TGM2: variants seen among roughly 807,000 people sequenced by gnomAD.
The protein encoded by TGM2 is transglutaminase 2.
Under a neutral mutation model 75.6 loss-of-function variants are expected in TGM2, and 53 were observed. The ratio of observed to expected loss-of-function variants is 0.70; its 90% CI spans 0.56 to 0.88. The LOEUF (loss-of-function observed/expected upper bound fraction) is 0.88, where lower values mean the gene tolerates loss of function less well. TGM2 is among the 40% of genes least tolerant of loss of function. The pLI is 0.00. For missense variants in TGM2, 842 were observed against 928.5 expected (o/e 0.91, Z 1.21); for synonymous variants, 374 against 381.1 (o/e 0.98, Z 0.22).
intron 11 of TGM2, among the ~76,000 whole-genome samples, chr20:38,132,070 T>C (rs2074840516): frequency 6.6e-6 from 1 of 151,968 alleles, no homozygotes; most frequent in African/African-American, 2.4e-5. Flanking sequence ...CTTAGTAGTA[T>C]AGCATTTGAA....
chr20:38,165,255 A>G lies in TGM2; in HGVS notation c.-57T>C, dbSNP rs1401381760. 1 of 1,610,078 alleles carries G rather than the reference A, an allele frequency of 6.2e-7. No individual in the cohort carries two copies. The highest frequency in any genetic ancestry group is 1.7e-5 in the Admixed American group (1 of 59,984). The stretch of plus-strand genomic sequence containing the variant: ...GCGGCGAGACCCTCCAAGTGCGACC[A>G]CTGGCGGCTGGCACTGCCGAGGCGG... On this transcript the variant is annotated 5_prime_UTR_variant, in exon 1 of 13. Transcript: ENST00000361475.
At position 38,161,577 on chromosome 20, in the gene TGM2, A is replaced by G. The variant is rs2075254201; in HGVS notation, c.33T>C (p.Asp11=). The change falls in exon 2 of 13, where the codon GAT becomes GAC. Residue 11 remains aspartate, a synonymous_variant. Coordinates refer to ENST00000361475, the MANE Select transcript of TGM2 (RefSeq NM_004613.4). ...CTCGGCCATTGGTCTCCAGCTCCAG[A>G]TCACACCTCTCTAAGACCAGCTCTA... MAEELVLERC[D]LELETNGRDH... is the part of the protein sequence containing the mutation. The G allele has an allele frequency of 6.2e-7, 1 of 1,614,022 alleles. No individual in the cohort carries two copies. Among genetic ancestry groups the G allele is most frequent in the East Asian group, 2.2e-5 (1 of 44,888 alleles).
At chr20:38,150,827 T>A (rs1469786294) in intron 4 of TGM2, 112 bp downstream of exon 4, 20 of 848,260 alleles carry the variant, frequency 2.4e-5, no homozygotes, top group Non-Finnish European at 3.9e-5. Flanking sequence ...CAGCATGAAG[T>A]GGGTGACTCT....
chr20:38,139,305 C>G (rs1224377731), intron 9 of TGM2, 107 bp downstream of exon 9: 1 of 1,543,664 alleles, frequency 6.5e-7, no homozygotes, highest in Non-Finnish European at 8.9e-7. Context: ...CATTGCTGTA[C>G]GTAGGCTACC....
At chr20:38,153,528 A>AAAAAAAAAAAAAAAAAAG (rs56670550) in intron 3 of TGM2, among the ~76,000 whole-genome samples, 2 of 125,252 alleles carry the variant, frequency 1.6e-5, no homozygotes, top group African/African-American at 3.4e-5. Context: ...TGGTCTCAAA[A>AAAAAAAAAAAAAAAAAAG]AAAAGAAAAA....
At chr20:38,155,644 G>A (rs570396604) in intron 3 of TGM2, among the ~76,000 whole-genome samples, 17 of 152,202 alleles carry the variant, frequency 1.1e-4, no homozygotes, top group East Asian at 9.7e-4. Context: ...CACTGAGCCC[G>A]GCCTCATTTT....
intron 6 of TGM2, among the ~76,000 whole-genome samples, chr20:38,143,136 G>A (rs2074996506): frequency 6.6e-6 from 1 of 152,218 alleles, no homozygotes; most frequent in Non-Finnish European, 1.5e-5. Context: ...AAGGAGTGGA[G>A]GAAGGAGAGA....
intron 6 of TGM2, chr20:38,145,393 T>A (rs1348756957): frequency 6.6e-6 from 1 of 152,250 alleles, no homozygotes; most frequent in African/African-American, 2.4e-5. Context: ...AAAATCATTT[T>A]AAGCACTTCC....
At position 38,138,286 on chromosome 20, in the gene TGM2, T is replaced by C. The variant is rs747996079; in HGVS notation, c.1442A>G (p.Gln481Arg). The C allele has an allele frequency of 6.2e-7, 1 of 1,614,218 alleles. No homozygotes were observed. Among genetic ancestry groups the C allele is most frequent in the Non-Finnish European group, 8.5e-7 (1 of 1,180,030 alleles). ...TGMAMRIRVG[Q>R]SMNMGSDFDV... Reference sequence around the variant, plus strand: ...AAAGTCACTGCCCATGTTCATGCTCTGGCCCACACGGATCCGCATGGCCAT... The same window carrying C: ...AAAGTCACTGCCCATGTTCATGCTCCGGCCCACACGGATCCGCATGGCCAT... Residue 481 changes from glutamine to arginine, a missense_variant, in exon 10 of 13, where the codon CAG (glutamine) becomes CGG (arginine). Transcript: ENST00000361475.
At position 38,161,510 on chromosome 20, in the gene TGM2, G is replaced by T. The variant is rs753630955; in HGVS notation, c.100C>A (p.Arg34=). The change falls in exon 2 of 13, where the codon CGA becomes AGA. Residue 34 remains arginine, a synonymous_variant. Coordinates refer to ENST00000361475, the MANE Select transcript of TGM2 (RefSeq NM_004613.4). ...ADLCREKLVV[R]RGQPFWLTLH... ...GTCAGCCAGAAGGGCTGGCCCCGTC[G>T]CACCACCAGCTTCTCCCGGCACAGG... The T allele has an allele frequency of 1.9e-6, 3 of 1,614,096 alleles. No individual in the cohort carries two copies. The highest frequency in any genetic ancestry group is 1.7e-5 in the Admixed American group (1 of 60,018).
upstream of TGM2, among the ~76,000 whole-genome samples, chr20:38,165,563 A>T (rs1197098606): frequency 7.9e-5 from 12 of 152,054 alleles, no homozygotes; most frequent in Non-Finnish European, 1.5e-5. Context: ...TCAGATACAG[A>T]CACACGCAGC....
In TGM2 at chr20:38,146,599, G is replaced by T. The variant is rs545263419; in HGVS notation, c.859+118C>A. On this transcript the variant is annotated intron_variant, in intron 6 of 12. Coordinates refer to ENST00000361475, the MANE Select transcript of TGM2 (RefSeq NM_004613.4). Reference sequence around the variant, plus strand: ...GGTCACAGGCTCTAGGCCACATAGCGCATTGAGAGTGTTGGTGGCAGGGGG... The same window carrying T: ...GGTCACAGGCTCTAGGCCACATAGCTCATTGAGAGTGTTGGTGGCAGGGGG... 8.3e-6 allele frequency: 10 copies of T among 1,202,758 alleles called. No individual in the cohort carries two copies. In the East Asian group the frequency reaches 1.5e-4, roughly 18 times the overall value. 74.5% of individuals were successfully genotyped at this position (1,202,758 alleles called of 1,614,324 possible).
intron 10 of TGM2, among the ~76,000 whole-genome samples, chr20:38,136,044 C>T (rs987302056): frequency 1.3e-5 from 2 of 152,200 alleles, no homozygotes; most frequent in Admixed American, 6.5e-5. Context: ...TTCCTGGCCT[C>T]GGGAAATGTC....
chr20:38,135,240 T>A (rs756226513), intron 10 of TGM2, among the ~76,000 whole-genome samples: 1 of 152,170 alleles, frequency 6.6e-6, no homozygotes, highest in Non-Finnish European at 1.5e-5. Context: ...ATGCCACTCA[T>A]TCTAGGACAG....
rs542378596 is a variant in TGM2, at chr20:38,146,651, T to A, written c.859+66A>T. 4.4e-6 allele frequency: 7 copies of A among 1,590,500 alleles called. No homozygotes were observed. The African/African-American group carries it at 6.7e-5, about 15-fold the overall frequency. ...AGGACCAGGGCAGGGATGTCCTGAT[T>A]CCTACTCCAGTGCTCTTCGTGCCCC... is the stretch of plus-strand genomic sequence containing the variant. On this transcript the variant is annotated intron_variant, in intron 6 of 12. Coordinates refer to ENST00000361475, the MANE Select transcript of TGM2 (RefSeq NM_004613.4).
upstream of TGM2, chr20:38,165,354 AG>A: frequency 9.1e-7 from 1 of 1,099,698 alleles, no homozygotes; most frequent in East Asian, 2.6e-5. Flanking sequence ...GCGACCTGGG[AG>A]GCCACCCATT....
upstream of TGM2, among the ~76,000 whole-genome samples, chr20:38,165,831 C>T (rs1031179251): frequency 6.6e-6 from 1 of 152,042 alleles, no homozygotes; most frequent in East Asian, 1.9e-4. Flanking sequence ...CGGCTGGCCA[C>T]GCAGACACAG....
At chr20:38,140,334 A>C (rs2074956137) in intron 8 of TGM2, among the ~76,000 whole-genome samples, 1 of 152,166 alleles carries the variant, frequency 6.6e-6, no homozygotes, top group African/African-American at 2.4e-5. Context: ...ATCACAGAAA[A>C]CTATCTGCTG....
Position 38,141,285 on chromosome 20 carries a change from C to A in TGM2, c.1096G>T (p.Glu366Ter). 7 of 1,570,196 alleles carry A rather than the reference C, an allele frequency of 4.5e-6. No homozygotes were observed. Among genetic ancestry groups the A allele is most frequent in the Non-Finnish European group, 5.2e-6 (6 of 1,157,126 alleles). The change falls in exon 8 of 13, where the codon GAA becomes TAA. Residue 366 changes from glutamate (E) to a stop codon, truncating the protein, a stop_gained. Coordinates refer to ENST00000361475, the MANE Select transcript of TGM2 (RefSeq NM_004613.4). LOFTEE classifies it high-confidence loss of function. ...GCGACAGTGCCCGCCCACGCACCTTCGCTCTTCTCCTGGGGCGTTGGGTCC... is the reference window on the plus strand; with the variant it reads ...GCGACAGTGCCCGCCCACGCACCTTAGCTCTTCTCCTGGGGCGTTGGGTCC... ...ALDPTPQEKS[E>*]GTYCCGPVPV...
Sources: allele counts gnomAD v4.1 joint callset (sites outside exome capture counted in the v4.1 genomes callset), GRCh38; gene constraint gnomAD v4.1.1; transcripts MANE v1.5; gene names NCBI Gene and HGNC (gene_info 2026-07-23, HGNC 2026-07-21).